The following PARD3 variants were observed in gnomAD, a reference collection of about 807,000 sequenced individuals.
The protein encoded by PARD3 is par-3 family cell polarity regulator, also known as partitioning defective 3 homolog.
Under a neutral mutation model 155.4 loss-of-function variants are expected in PARD3, and 75 were observed. The observed-to-expected ratio is 0.48, with a 90% CI of 0.40 to 0.58. The LOEUF is 0.58. PARD3 is among the 20% of genes least tolerant of loss of function. The pLI is 0.00. For missense variants in PARD3, 1,642 were observed against 1,721.7 expected, an observed-to-expected ratio of 0.95 and a Z score of 0.82; for synonymous variants, 576 against 610.5, an observed-to-expected ratio of 0.94 and a Z score of 0.83.
At chr10:34,199,506 A>G (rs1432050515) in intron 22 of PARD3, among the ~76,000 whole-genome samples, 2 of 152,134 alleles carry the variant, frequency 1.3e-5, no homozygotes, top group African/African-American at 4.8e-5. Flanking sequence ...TAACGAGGTC[A>G]TGGCCATGGT....
intron 22 of PARD3, among the ~76,000 whole-genome samples, chr10:34,234,647 T>C (rs1186494804): frequency 6.6e-6 from 1 of 152,214 alleles, no homozygotes; most frequent in Non-Finnish European, 1.5e-5. Flanking sequence ...TATGCTCTTA[T>C]CATAATGTAT....
intron 22 of PARD3, among the ~76,000 whole-genome samples, chr10:34,143,515 G>A (rs1588915313): frequency 6.6e-6 from 1 of 152,030 alleles, no homozygotes; most frequent in Non-Finnish European, 1.5e-5. Context: ...AATTCAAGGC[G>A]AACATTTTCT....
intron 2 of PARD3, among the ~76,000 whole-genome samples, chr10:34,695,477 C>CAAAA (rs60331770): frequency 4.6e-5 from 5 of 109,526 alleles, no homozygotes; most frequent in African/African-American, 7.0e-5. Flanking sequence ...GACTCCATCT[C>CAAAA]AAAAAAAAAA....
chr10:34,432,932 T>C (rs577226689), intron 5 of PARD3, among the ~76,000 whole-genome samples: 2 of 152,194 alleles, frequency 1.3e-5, no homozygotes, highest in East Asian at 3.9e-4. Flanking sequence ...TGAATGAGCT[T>C]AGAAACAGAA....
chr10:34,440,802 C>A (rs1413149400), intron 5 of PARD3, among the ~76,000 whole-genome samples: 1 of 152,042 alleles, frequency 6.6e-6, no homozygotes, highest in East Asian at 1.9e-4. Context: ...GCTGTGCCCT[C>A]CAAACTCCAT....
intron 3 of PARD3, among the ~76,000 whole-genome samples, chr10:34,474,339 C>A (rs1254587814): frequency 6.6e-6 from 1 of 152,194 alleles, no homozygotes; most frequent in African/African-American, 2.4e-5. Context: ...TAGGTTCATA[C>A]AGCCTACAAT....
intron 5 of PARD3, among the ~76,000 whole-genome samples, chr10:34,420,688 T>G (rs1211409557): frequency 6.6e-6 from 1 of 152,130 alleles, no homozygotes; most frequent in Non-Finnish European, 1.5e-5. Flanking sequence ...TTGTAGAAAT[T>G]AATAAAAACA....
At chr10:34,386,308 C>T (rs1378522185) in intron 7 of PARD3, among the ~76,000 whole-genome samples, 6 of 152,116 alleles carry the variant, frequency 3.9e-5, no homozygotes, top group African/African-American at 9.7e-5. Context: ...TATATAAAGA[C>T]ATAAAATTAT....
At chr10:34,275,289 G>C (rs1955821525) in intron 21 of PARD3, among the ~76,000 whole-genome samples, 1 of 152,154 alleles carries the variant, frequency 6.6e-6, no homozygotes, top group African/African-American at 2.4e-5. Flanking sequence ...TTCCAATGTG[G>C]CAGCTTACAC....
At chr10:34,519,029 T>C (rs2081964056) in intron 2 of PARD3, among the ~76,000 whole-genome samples, 1 of 152,146 alleles carries the variant, frequency 6.6e-6, no homozygotes, top group African/African-American at 2.4e-5. Flanking sequence ...ATGTATAACG[T>C]CCATCTAATC....
chr10:34,322,597 T>C (rs1445150890), intron 19 of PARD3, among the ~76,000 whole-genome samples: 1 of 152,210 alleles, frequency 6.6e-6, no homozygotes, highest in Non-Finnish European at 1.5e-5. Flanking sequence ...TAGATTTAAA[T>C]AATTTGTTTA....
intron 1 of PARD3, among the ~76,000 whole-genome samples, chr10:34,714,463 A>G (rs540106170): frequency 6.6e-6 from 1 of 152,096 alleles, no homozygotes; most frequent in Non-Finnish European, 1.5e-5. Context: ...CACACCCCAC[A>G]CTGCGTGGGG....
At chr10:34,659,250 A>C (rs867595172) in intron 2 of PARD3, among the ~76,000 whole-genome samples, 67 of 152,332 alleles carry the variant, frequency 4.4e-4, no homozygotes, top group African/African-American at 1.3e-3. Flanking sequence ...TAACAGAGCA[A>C]GAATAAAATT....
chr10:34,598,132 C>T (rs115291827), intron 2 of PARD3, among the ~76,000 whole-genome samples: 2,093 of 152,222 alleles, frequency 0.014, 55 homozygotes, highest in African/African-American at 0.047. Flanking sequence ...AACTGCAGAA[C>T]GTAGTTAATT....
At chr10:34,157,354 T>G (rs1430883578) in intron 22 of PARD3, among the ~76,000 whole-genome samples, 1 of 152,144 alleles carries the variant, frequency 6.6e-6, no homozygotes, top group Non-Finnish European at 1.5e-5. Flanking sequence ...AATTAAGAAG[T>G]CAGATTTTGA....
At chr10:34,758,436 A>AC (rs1415328033) in intron 1 of PARD3, among the ~76,000 whole-genome samples, 2 of 152,198 alleles carry the variant, frequency 1.3e-5, no homozygotes, top group African/African-American at 4.8e-5. Flanking sequence ...TTTCCACTCC[A>AC]CCACACTATG....
intron 22 of PARD3, among the ~76,000 whole-genome samples, chr10:34,234,746 A>G (rs1338291963): frequency 1.3e-5 from 2 of 152,164 alleles, no homozygotes; most frequent in Non-Finnish European, 2.9e-5. Flanking sequence ...ACTCACCACT[A>G]TGTACCCAGC....
At chr10:34,631,746 T>C (rs1194006423) in intron 2 of PARD3, among the ~76,000 whole-genome samples, 1 of 152,198 alleles carries the variant, frequency 6.6e-6, no homozygotes, top group Non-Finnish European at 1.5e-5. Flanking sequence ...TATATGCACA[T>C]GCCACTATAT....
intron 2 of PARD3, among the ~76,000 whole-genome samples, chr10:34,546,591 C>A (rs1179002300): frequency 6.6e-6 from 1 of 151,328 alleles, no homozygotes; most frequent in East Asian, 1.9e-4. Flanking sequence ...GCTGGCCTGG[C>A]AAATTTTAAT....
Sources: allele counts gnomAD v4.1 joint callset (sites outside exome capture counted in the v4.1 genomes callset), GRCh38; gene constraint gnomAD v4.1.1; transcripts MANE v1.5; gene names NCBI Gene and HGNC (gene_info 2026-07-23, HGNC 2026-07-21).